Variants in PDE8B observed in about 807,000 individuals in gnomAD.
PDE8B encodes phosphodiesterase 8B.
Under a neutral mutation model 101.3 loss-of-function variants are expected in PDE8B, and 26 were observed. That is an observed-to-expected ratio of 0.26 (90% CI 0.19 to 0.36). The LOEUF (loss-of-function observed/expected upper bound fraction) is 0.36, where lower values mean the gene tolerates loss of function less well. PDE8B is among the 10% of genes least tolerant of loss of function. The pLI is 1.00. For missense variants in PDE8B, 810 were observed against 1,163.1 expected (o/e 0.70, Z 4.42); for synonymous variants, 424 against 429.3 (o/e 0.99, Z 0.15).
chr5:77,300,493 G>A (rs1561491999), intron 1 of PDE8B, among the ~76,000 whole-genome samples: 2 of 152,206 alleles, frequency 1.3e-5, no homozygotes, highest in Non-Finnish European at 2.9e-5. Flanking sequence ...CTTCAGCTTA[G>A]TCACCTGCCT....
At chr5:77,135,699 G>A in the PDE8B span, among the ~76,000 whole-genome samples, 140 of 151,808 alleles carry the variant, frequency 9.2e-4, 2 homozygotes, top group East Asian at 0.026. Context: ...CTGGTCTCGA[G>A]CTCCTGACCT....
the PDE8B span, among the ~76,000 whole-genome samples, chr5:77,159,185 G>A: frequency 6.6e-6 from 1 of 152,220 alleles, no homozygotes; most frequent in Admixed American, 6.5e-5. Context: ...ATTGAGCCAA[G>A]CCTGGTGAAT....
rs534832909 is a variant in PDE8B, at chr5:77,319,294, A to C, written c.400-6245A>C. On this transcript the variant is annotated intron_variant, in intron 2 of 21. Transcript: ENST00000264917. ...GTCCACAAATCACTATGTAAATAAC[A>C]AATGTGCAGCATCATCAGTAACTTA... is the stretch of plus-strand genomic sequence containing the variant. Among the ~76,000 whole-genome samples the C allele has an allele frequency of 1.6e-3, 249 of 152,372 alleles. 2 individuals carry two copies. Among genetic ancestry groups the C allele is most frequent in the African/African-American group, 5.8e-3 (242 of 41,588 alleles).
rs539977752 is a variant in PDE8B at position 77,428,202 on chromosome 5, T to A, written c.*1648T>A. The A allele has an allele frequency of 6.6e-6, 1 of 152,356 alleles. No individual in the cohort carries two copies. The highest frequency in any genetic ancestry group is 2.4e-5 in the African/African-American group (1 of 41,588). The allele number at this position is 152,356 out of a possible 1,614,324, so 9.4% of individuals were successfully genotyped here. ...CTAAATTCCTACAGCCATTTTTCACTCCCAACAGCTGTTTTTATTTTACCT... is the reference window on the plus strand; with the variant it reads ...CTAAATTCCTACAGCCATTTTTCACACCCAACAGCTGTTTTTATTTTACCT... On this transcript the variant is annotated 3_prime_UTR_variant, in exon 22 of 22. Coordinates refer to ENST00000264917, the MANE Select transcript of PDE8B (RefSeq NM_003719.5).
At chr5:77,131,701 G>A in the PDE8B span, among the ~76,000 whole-genome samples, 9 of 152,118 alleles carry the variant, frequency 5.9e-5, no homozygotes, top group Non-Finnish European at 1.2e-4. Flanking sequence ...AAAATTGTGC[G>A]TTTATTTAGA....
In PDE8B at chr5:77,422,988, A is replaced by G. The variant is rs115069543; in HGVS notation, c.2418+1000A>G. Reference sequence around the variant, plus strand: ...GCTCAAGTAGTAAACATAGTACCCAATAAGTAGTTTTTCAACCCTTGCCCC... The same window carrying G: ...GCTCAAGTAGTAAACATAGTACCCAGTAAGTAGTTTTTCAACCCTTGCCCC... On this transcript the variant is annotated intron_variant, in intron 20 of 21. Coordinates refer to ENST00000264917, the MANE Select transcript of PDE8B (RefSeq NM_003719.5). 7.3e-3 allele frequency among the ~76,000 whole-genome samples: 1,105 copies of G among 152,306 alleles called. 6 individuals carry two copies. Among genetic ancestry groups the G allele is most frequent in the African/African-American group, 0.025 (1,041 of 41,556 alleles).
chr5:77,415,718 A>G (rs1032350452), intron 17 of PDE8B, among the ~76,000 whole-genome samples: 1 of 152,210 alleles, frequency 6.6e-6, no homozygotes, highest in Admixed American at 6.5e-5. Flanking sequence ...TAGAGCTAGC[A>G]TGCCCAGAGC....
At position 77,325,851 on chromosome 5, in the gene PDE8B, A is replaced by C. The variant is rs1343364725; in HGVS notation, c.590+122A>C. 34 of 728,300 alleles carry C rather than the reference A, an allele frequency of 4.7e-5. No individual in the cohort carries two copies. The East Asian group carries it at 8.8e-4, about 19-fold the overall frequency. 45.1% of individuals were successfully genotyped at this position (728,300 alleles called of 1,614,324 possible). ...AAAATATGCGTTGATGTTTTTAAGC[A>C]GTGTATACAGATGTCTGTGGTGAAA... is the stretch of plus-strand genomic sequence containing the variant. On this transcript the variant is annotated intron_variant, in intron 3 of 21. Transcript: ENST00000264917.
chr5:77,326,670 T>C (rs973656092), intron 3 of PDE8B, among the ~76,000 whole-genome samples: 2 of 152,172 alleles, frequency 1.3e-5, no homozygotes, highest in Non-Finnish European at 2.9e-5. Context: ...TAATAGTGTA[T>C]ATAAATATAC....
intron 10 of PDE8B, among the ~76,000 whole-genome samples, chr5:77,366,231 GT>G (rs78545969): frequency 2.0e-5 from 3 of 151,778 alleles, no homozygotes; most frequent in Admixed American, 6.5e-5. Context: ...GAGAACTTTG[GT>G]TTTTTTTAAA....
chr5:77,367,421 T>C (rs2150628871), intron 10 of PDE8B, among the ~76,000 whole-genome samples: 1 of 152,170 alleles, frequency 6.6e-6, no homozygotes, highest in South Asian at 2.1e-4. Context: ...GTGTTTGAAC[T>C]AATCTGGGGC....
At chr5:77,189,596 A>T in the PDE8B span, among the ~76,000 whole-genome samples, 5 of 152,098 alleles carry the variant, frequency 3.3e-5, no homozygotes, top group Non-Finnish European at 7.4e-5. Context: ...TTCAAGTGGG[A>T]GGGATAGTGG....
At chr5:77,307,148 A>G (rs1375901028) in intron 1 of PDE8B, among the ~76,000 whole-genome samples, 5 of 152,010 alleles carry the variant, frequency 3.3e-5, no homozygotes, top group Non-Finnish European at 1.5e-5. Context: ...ACCCTTTCTC[A>G]CACTGCAATC....
chr5:77,348,065 G>T (rs770070291), intron 7 of PDE8B, among the ~76,000 whole-genome samples: 1 of 152,108 alleles, frequency 6.6e-6, no homozygotes, highest in African/African-American at 2.4e-5. Context: ...GATGACCAGA[G>T]CATCTTCCAA....
the PDE8B span, among the ~76,000 whole-genome samples, chr5:77,089,833 G>A: frequency 6.6e-6 from 1 of 152,076 alleles, no homozygotes; most frequent in Non-Finnish European, 1.5e-5. Flanking sequence ...TGTATCAAAG[G>A]GATTCTTGTA....
the PDE8B span, among the ~76,000 whole-genome samples, chr5:77,175,003 G>A: frequency 1.3e-5 from 2 of 152,182 alleles, no homozygotes; most frequent in African/African-American, 4.8e-5. Flanking sequence ...ATGTCTCAGA[G>A]AATGGTACTA....
intron 1 of PDE8B, among the ~76,000 whole-genome samples, chr5:77,310,575 A>G (rs1253968370): frequency 2.0e-5 from 3 of 152,252 alleles, no homozygotes; most frequent in African/African-American, 7.2e-5. Flanking sequence ...TCACAGGCTC[A>G]GGGACTCAAA....
the PDE8B span, among the ~76,000 whole-genome samples, chr5:77,182,770 T>A: frequency 6.6e-6 from 1 of 150,452 alleles, no homozygotes; most frequent in East Asian, 2.0e-4. Context: ...TTTTTTTTTT[T>A]ACTTTATATA....
At chr5:77,313,884 A>T (rs1773226672) in intron 2 of PDE8B, among the ~76,000 whole-genome samples, 1 of 152,206 alleles carries the variant, frequency 6.6e-6, no homozygotes, top group African/African-American at 2.4e-5. Context: ...CATAATATGT[A>T]CACTTGTTTT....
Sources: allele counts gnomAD v4.1 joint callset (sites outside exome capture counted in the v4.1 genomes callset), GRCh38; gene constraint gnomAD v4.1.1; transcripts MANE v1.5; gene names NCBI Gene and HGNC (gene_info 2026-07-23, HGNC 2026-07-21).